Variants in NFIA observed in about 807,000 individuals in gnomAD.
The protein encoded by NFIA is nuclear factor 1 A-type.
NFIA carries 8 observed loss-of-function variants against 62.8 expected under a neutral mutation model. That is an observed-to-expected ratio of 0.13 (90% CI 0.07 to 0.23). NFIA has a LOEUF of 0.23. Ranked by LOEUF, NFIA falls within the 10% of genes least tolerant of loss-of-function variation. The pLI is 1.00. For missense variants in NFIA, 410 were observed against 642.1 expected, an observed-to-expected ratio of 0.64 and a Z score of 3.91; for synonymous variants, 235 against 238.1, an observed-to-expected ratio of 0.99 and a Z score of 0.12.
intron 9 of NFIA, among the ~76,000 whole-genome samples, chr1:61,425,477 T>A (rs1666824396): frequency 6.6e-6 from 1 of 152,234 alleles, no homozygotes; most frequent in African/African-American, 2.4e-5. Flanking sequence ...CTGGAGTTAG[T>A]TTAAAAACCT....
chr1:61,444,304 C>G (rs1667711587), intron 10 of NFIA, among the ~76,000 whole-genome samples: 1 of 152,214 alleles, frequency 6.6e-6, no homozygotes, highest in South Asian at 2.1e-4. Flanking sequence ...CCCTGCCTTT[C>G]TCTCTGTCCT....
intron 3 of NFIA, among the ~76,000 whole-genome samples, chr1:61,296,358 C>T (rs1659189562): frequency 6.6e-6 from 1 of 152,158 alleles, no homozygotes; most frequent in Non-Finnish European, 1.5e-5. Flanking sequence ...TCCCCATTGA[C>T]ATTCAGATCA....
intron 4 of NFIA, among the ~76,000 whole-genome samples, chr1:61,338,969 G>A (rs1373614772): frequency 2.0e-5 from 3 of 152,066 alleles, no homozygotes; most frequent in East Asian, 3.8e-4. Context: ...ATTTGGGCTC[G>A]AGCATTAAAG....
chr1:61,321,312 C>T (rs942444584), intron 3 of NFIA, among the ~76,000 whole-genome samples: 61 of 151,768 alleles, frequency 4.0e-4, no homozygotes, highest in African/African-American at 1.4e-3. Context: ...CAGTTGAGTC[C>T]GCTTGCAAAA....
At chr1:61,352,369 T>C in intron 4 of NFIA, 81 bp from the exon 5 acceptor site, 1 of 944,454 alleles carries the variant, frequency 1.1e-6, no homozygotes, top group Non-Finnish European at 1.7e-6. Context: ...GAAAATGTGC[T>C]AAATGCAACA....
At chr1:61,273,311 G>A (rs1178147723) in intron 2 of NFIA, among the ~76,000 whole-genome samples, 3 of 152,042 alleles carry the variant, frequency 2.0e-5, no homozygotes, top group African/African-American at 7.2e-5. Context: ...TGTCAGATAC[G>A]GCTTCAGCTC....
intron 7 of NFIA, among the ~76,000 whole-genome samples, chr1:61,393,599 C>T (rs1302136996): frequency 1.3e-5 from 2 of 152,082 alleles, no homozygotes; most frequent in African/African-American, 4.8e-5. Context: ...TGGAGTGCCT[C>T]ATTGGTGTGA....
chr1:61,205,340 C>T (rs1652824460), intron 2 of NFIA, among the ~76,000 whole-genome samples: 1 of 152,110 alleles, frequency 6.6e-6, no homozygotes, highest in African/African-American at 2.4e-5. Context: ...AACAGATTTT[C>T]TTGATTCAAG....
chr1:61,389,983 C>A (rs1250552618), intron 7 of NFIA, among the ~76,000 whole-genome samples: 1 of 152,124 alleles, frequency 6.6e-6, no homozygotes, highest in Non-Finnish European at 1.5e-5. Flanking sequence ...ACAAGATGCT[C>A]TAGTAGTAGA....
chr1:61,333,052 CACACACACACACACAT>C (rs1160427172), intron 4 of NFIA, among the ~76,000 whole-genome samples: 6 of 147,824 alleles, frequency 4.1e-5, no homozygotes, highest in Admixed American at 2.7e-4. Context: ...TGCACGCACA[CACACACACACACACAT>C]ACACACACAC....
intron 2 of NFIA, among the ~76,000 whole-genome samples, chr1:61,128,976 G>A (rs1433819208): frequency 1.4e-5 from 2 of 140,226 alleles, no homozygotes; most frequent in African/African-American, 2.7e-5. Flanking sequence ...AGGCTGGAGT[G>A]CAGTGACACG....
intron 2 of NFIA, among the ~76,000 whole-genome samples, chr1:61,148,174 T>G (rs1648142014): frequency 6.6e-6 from 1 of 152,174 alleles, no homozygotes; most frequent in Non-Finnish European, 1.5e-5. Flanking sequence ...TAGTAGGTAC[T>G]CATTAGCATT....
At chr1:61,134,245 AGTGTGTGTGTGTGTGTGT>A (rs61677972) in intron 2 of NFIA, among the ~76,000 whole-genome samples, 88 of 146,410 alleles carry the variant, frequency 6.0e-4, no homozygotes, top group African/African-American at 1.8e-3. Flanking sequence ...TGTGTGTGTG[AGTGTGTGTGTGTGTGTGT>A]GTGTGTGTGT....
intron 2 of NFIA, among the ~76,000 whole-genome samples, chr1:61,192,095 A>G (rs973464833): frequency 2.0e-5 from 3 of 151,966 alleles, no homozygotes; most frequent in African/African-American, 7.3e-5. Context: ...AGTAGCTGGG[A>G]CTACAGGTGC....
chr1:61,218,163 T>C (rs1358692776), intron 2 of NFIA, among the ~76,000 whole-genome samples: 2 of 151,920 alleles, frequency 1.3e-5, no homozygotes, highest in East Asian at 3.9e-4. Flanking sequence ...TGCAGAGACA[T>C]ATTTTGTAAT....
intron 9 of NFIA, among the ~76,000 whole-genome samples, chr1:61,413,372 T>C (rs1666193998): frequency 6.6e-6 from 1 of 152,140 alleles, no homozygotes; most frequent in Non-Finnish European, 1.5e-5. Context: ...TGTATTATCT[T>C]ATCCCATCTT....
At chr1:61,353,893 G>A (rs1195446166) in intron 5 of NFIA, among the ~76,000 whole-genome samples, 1 of 152,118 alleles carries the variant, frequency 6.6e-6, no homozygotes, top group East Asian at 1.9e-4. Flanking sequence ...AATATATTTG[G>A]GTGTTCATAC....
intron 2 of NFIA, among the ~76,000 whole-genome samples, chr1:61,246,447 T>C (rs1007782805): frequency 6.6e-6 from 1 of 152,208 alleles, no homozygotes; most frequent in Non-Finnish European, 1.5e-5. Flanking sequence ...TGTGGGTTGA[T>C]AGAAGCTAGG....
At chr1:61,387,126 A>G (rs918800811) in intron 7 of NFIA, among the ~76,000 whole-genome samples, 15 of 152,178 alleles carry the variant, frequency 9.9e-5, no homozygotes, top group African/African-American at 3.6e-4. Flanking sequence ...GGCCACAGAC[A>G]TTCAGCCTAT....
Sources: gnomAD v4.1 joint callset for allele counts (sites outside exome capture counted in the v4.1 genomes callset) on GRCh38, gnomAD v4.1.1 for gene constraint, MANE v1.5 for transcripts, NCBI Gene and HGNC (gene_info 2026-07-23, HGNC 2026-07-21) for gene names.